C9orf153: variants seen among roughly 807,000 people sequenced by gnomAD.
C9orf153 encodes the protein uncharacterized protein C9orf153.
Under a neutral mutation model 9.0 loss-of-function variants are expected in C9orf153, and 10 were observed. The ratio of observed to expected loss-of-function variants is 1.11; its 90% confidence interval spans 0.69 to 1.89. C9orf153 has a LOEUF of 1.89. Ranked by LOEUF, C9orf153 falls within the 40% of genes most tolerant of loss-of-function variation. C9orf153 has a pLI of 0.00. For missense variants in C9orf153, 108 were observed against 111.0 expected (o/e 0.97, Z 0.12); for synonymous variants, 35 against 37.3 (o/e 0.94, Z 0.23).
At chr9:86,257,184 A>G (rs946892881) in intron 1 of C9orf153, among the ~76,000 whole-genome samples, 1 of 152,190 alleles carries the variant, frequency 6.6e-6, no homozygotes, top group Admixed American at 6.5e-5. Context: ...CTTGGCTCAA[A>G]TAAGCTCTCT....
chr9:86,253,351 A>G (rs1000375751), intron 1 of C9orf153, among the ~76,000 whole-genome samples: 2 of 152,214 alleles, frequency 1.3e-5, no homozygotes, highest in African/African-American at 4.8e-5. Context: ...TGCAATAAGT[A>G]AAGAATGTTA....
chr9:86,231,527 G>A (rs1032353721), intron 1 of C9orf153, among the ~76,000 whole-genome samples: 1 of 149,220 alleles, frequency 6.7e-6, no homozygotes, highest in Non-Finnish European at 1.5e-5. Context: ...CTTCCTTCCT[G>A]AGTAAAGTAG....
chr9:86,244,205 A>G (rs1371229769), intron 1 of C9orf153, among the ~76,000 whole-genome samples: 1 of 152,208 alleles, frequency 6.6e-6, no homozygotes, highest in African/African-American at 2.4e-5. Flanking sequence ...TAGCGTTAAA[A>G]TTAATTTTGC....
intron 1 of C9orf153, among the ~76,000 whole-genome samples, chr9:86,233,988 C>T (rs904377953): frequency 5.9e-5 from 9 of 151,924 alleles, no homozygotes; most frequent in Admixed American, 3.9e-4. Flanking sequence ...GAGGCTGAGG[C>T]GGGAGAATCG....
intron 1 of C9orf153, among the ~76,000 whole-genome samples, chr9:86,242,277 A>G (rs1238684962): frequency 6.6e-6 from 1 of 152,002 alleles, no homozygotes; most frequent in Admixed American, 6.6e-5. Flanking sequence ...AAAGTAAGAG[A>G]GCCCTGCCTT....
chr9:86,243,083 AC>A (rs1296849189), intron 1 of C9orf153, among the ~76,000 whole-genome samples: 1 of 152,136 alleles, frequency 6.6e-6, no homozygotes, highest in East Asian at 1.9e-4. Context: ...TTTGTTTTTT[AC>A]AGAAAGCATG....
Position 86,250,014 on chromosome 9 carries a change from A to G in C9orf153, c.-27+9536T>C, listed in dbSNP as rs192059997. The stretch of plus-strand genomic sequence containing the variant: ...GTTATACGTTCGTCTTCTTGGGGGC[A>G]AGGGTGATGGAGCCGTGTGGATTAT... On this transcript the variant is annotated intron_variant, in intron 1 of 3. Coordinates refer to ENST00000339137, the MANE Select transcript of C9orf153 (RefSeq NM_001276366.4). Among the ~76,000 whole-genome samples the G allele has an allele frequency of 4.9e-3, 747 of 152,278 alleles. 3 individuals carry two copies. Among genetic ancestry groups the G allele is most frequent in the Admixed American group, 0.015 (233 of 15,288 alleles).
At chr9:86,252,576 GC>G (rs1825021102) in intron 1 of C9orf153, among the ~76,000 whole-genome samples, 1 of 152,010 alleles carries the variant, frequency 6.6e-6, no homozygotes, top group African/African-American at 2.4e-5. Context: ...TACTATTGGG[GC>G]CCCTGGAAGT....
At chr9:86,250,146 C>T (rs1450835415) in intron 1 of C9orf153, among the ~76,000 whole-genome samples, 1 of 152,174 alleles carries the variant, frequency 6.6e-6, no homozygotes, top group African/African-American at 2.4e-5. Context: ...ACAATGGTTT[C>T]TGACAAAAGT....
chr9:86,236,574 A>T (rs2131186853), intron 1 of C9orf153, among the ~76,000 whole-genome samples: 1 of 150,860 alleles, frequency 6.6e-6, no homozygotes, highest in East Asian at 2.0e-4. Context: ...AAAAGAAAAG[A>T]AAAATAGAGG....
rs751673864 is a variant in C9orf153 at position 86,229,558 on chromosome 9, C to T, written c.46G>A (p.Ala16Thr). The change falls in exon 2 of 4, where the codon GCC becomes ACC. Residue 16 changes from alanine to threonine, a missense_variant. Transcript: ENST00000339137. Reference protein sequence around the residue: ...DTSPAEDNREATLPQCSLPEL... With the variant: ...DTSPAEDNRETTLPQCSLPEL... ...CATACTGAACATTGAGGAAGGGTGG[C>T]TTCTCTATTGTCCTCAGCTGGACTG... 1.9e-6 allele frequency: 3 copies of T among 1,612,164 alleles called. No homozygotes were observed. Among genetic ancestry groups the T allele is most frequent in the South Asian group, 2.2e-5 (2 of 91,038 alleles).
Position 86,254,778 on chromosome 9 carries a change from C to T in C9orf153, c.-27+4772G>A, listed in dbSNP as rs550300548. Among the ~76,000 whole-genome samples the T allele has an allele frequency of 3.9e-5, 6 of 152,238 alleles. No individual in the cohort carries two copies. The South Asian group carries it at 1.0e-3, about 26-fold the overall frequency. ...TATTTTCAGAACTAAGAGACTTGGCCGGGCACAGTGGCTCACACCTGTAAT... is the reference window on the plus strand; with the variant it reads ...TATTTTCAGAACTAAGAGACTTGGCTGGGCACAGTGGCTCACACCTGTAAT... On this transcript the variant is annotated intron_variant, in intron 1 of 3. Coordinates refer to ENST00000339137, the MANE Select transcript of C9orf153 (RefSeq NM_001276366.4).
At chr9:86,229,650 A>G in intron 1 of C9orf153, 21 bp from the exon 2 acceptor site, 1 of 1,375,094 alleles carries the variant, frequency 7.3e-7, no homozygotes, top group Non-Finnish European at 1.0e-6. Flanking sequence ...CAATATGAGA[A>G]AAGACAAAAA....
chr9:86,229,045 T>G, intron 2 of C9orf153: 1 of 184,372 alleles, frequency 5.4e-6, no homozygotes, highest in Non-Finnish European at 1.2e-5. Context: ...TAGTCTGTTT[T>G]GTTAGTTTAC....
At chr9:86,250,482 G>C (rs1457817458) in intron 1 of C9orf153, among the ~76,000 whole-genome samples, 1 of 152,146 alleles carries the variant, frequency 6.6e-6, no homozygotes, top group Non-Finnish European at 1.5e-5. Flanking sequence ...AGCCCCAACA[G>C]TACCATATTT....
chr9:86,232,644 A>T (rs942285), intron 1 of C9orf153, among the ~76,000 whole-genome samples: 27,700 of 151,942 alleles, frequency 0.18, 2,898 homozygotes, highest in East Asian at 0.46. Flanking sequence ...TCCAAATCAG[A>T]AGGAAAAAAG....
chr9:86,245,551 C>T (rs560326565), intron 1 of C9orf153, among the ~76,000 whole-genome samples: 65 of 152,232 alleles, frequency 4.3e-4, no homozygotes, highest in Non-Finnish European at 1.6e-4. Flanking sequence ...TGATGTCCTC[C>T]GGGTTCATCC....
At chr9:86,239,185 C>T (rs979604796) in intron 1 of C9orf153, among the ~76,000 whole-genome samples, 63 of 151,760 alleles carry the variant, frequency 4.2e-4, no homozygotes, top group African/African-American at 1.5e-3. Flanking sequence ...CACTTGAACC[C>T]GGGAGGCGGA....
rs78779646 is a variant in C9orf153 at position 86,250,012 on chromosome 9, G to A, written c.-27+9538C>T. Among the ~76,000 whole-genome samples, 1,391 of 152,268 alleles carry A rather than the reference G, an allele frequency of 9.1e-3. 24 individuals carry two copies. The highest frequency in any genetic ancestry group is 0.048 in the East Asian group (248 of 5,172). On this transcript the variant is annotated intron_variant, in intron 1 of 3. Transcript: ENST00000339137. ...TGGTTATACGTTCGTCTTCTTGGGG[G>A]CAAGGGTGATGGAGCCGTGTGGATT...
Sources: gnomAD v4.1 joint callset for allele counts (sites outside exome capture counted in the v4.1 genomes callset) on GRCh38, gnomAD v4.1.1 for gene constraint, MANE v1.5 for transcripts, NCBI Gene and HGNC (gene_info 2026-07-23, HGNC 2026-07-21) for gene names.